Variants in CTNNA3 observed in about 807,000 individuals in gnomAD.
The protein encoded by CTNNA3 is catenin alpha 3.
Under a neutral mutation model 95.7 loss-of-function variants are expected in CTNNA3, and 76 were observed. The ratio of observed to expected loss-of-function variants is 0.79; its 90% CI spans 0.66 to 0.96. The LOEUF is 0.96. Ranked by LOEUF, CTNNA3 falls within the 40% of genes least tolerant of loss-of-function variation. The probability of loss-of-function intolerance (pLI) is 0.00; values close to 1 mark genes in which losing one functional copy is unlikely to be tolerated. For missense variants in CTNNA3, 1,191 were observed against 1,089.8 expected (o/e 1.09, Z -1.31); for synonymous variants, 431 against 374.4 (o/e 1.15, Z -1.74).
intron 5 of CTNNA3, among the ~76,000 whole-genome samples, chr10:67,506,793 A>C (rs1178413528): frequency 3.3e-5 from 5 of 152,282 alleles, no homozygotes; most frequent in Admixed American, 3.3e-4. Context: ...ATTTAATATG[A>C]GTGTATTTGA....
chr10:67,683,958 A>C (rs1021066125), intron 1 of CTNNA3, among the ~76,000 whole-genome samples: 1 of 152,230 alleles, frequency 6.6e-6, no homozygotes, highest in African/African-American at 2.4e-5. Context: ...ATTACAGCTC[A>C]TAAAGGTAAT....
chr10:66,531,049 C>T (rs562739178), intron 10 of CTNNA3, among the ~76,000 whole-genome samples: 1 of 152,030 alleles, frequency 6.6e-6, no homozygotes, highest in South Asian at 2.1e-4. Context: ...CTGTAAAAGG[C>T]AATAATTCCA....
chr10:66,507,497 C>T lies in CTNNA3; in HGVS notation c.1531+13120G>A, dbSNP rs1039153683. On this transcript the variant is annotated intron_variant, in intron 11 of 17. Coordinates refer to ENST00000433211, the MANE Select transcript of CTNNA3 (RefSeq NM_013266.4). ...ATGCATTGACCAACCTCCCTCTATC[C>T]TCCTTCTCCCTTACTGTTCCCAGCC... Among the ~76,000 whole-genome samples, 4 of 152,202 alleles carry T rather than the reference C, an allele frequency of 2.6e-5. No homozygotes were observed. The East Asian group carries it at 5.8e-4, about 22-fold the overall frequency.
intron 5 of CTNNA3, among the ~76,000 whole-genome samples, chr10:67,446,848 G>A (rs557370001): frequency 2.6e-5 from 4 of 152,174 alleles, no homozygotes; most frequent in Non-Finnish European, 4.4e-5. Context: ...GCTCACGGCT[G>A]TAATCCCAGC....
At chr10:66,832,336 C>A (rs1328144062) in intron 7 of CTNNA3, among the ~76,000 whole-genome samples, 1 of 152,166 alleles carries the variant, frequency 6.6e-6, no homozygotes, top group Admixed American at 6.5e-5. Flanking sequence ...AAAGCACACA[C>A]AGCTCAATTT....
Position 66,899,968 on chromosome 10 carries a change from C to T in CTNNA3, c.1048-124444G>A, listed in dbSNP as rs1012939219. Among the ~76,000 whole-genome samples the T allele has an allele frequency of 3.0e-4, 46 of 152,172 alleles. 1 individual carries two copies. The highest frequency in any genetic ancestry group is 1.1e-3 in the African/African-American group (46 of 41,442). On this transcript the variant is annotated intron_variant, in intron 7 of 17. Coordinates refer to ENST00000433211, the MANE Select transcript of CTNNA3 (RefSeq NM_013266.4). Reference sequence around the variant, plus strand: ...GCAGACAACTTCAGACTTAAAGGCCCCTGTGTGACAGCTCTGAAGAGAGCA... The same window carrying T: ...GCAGACAACTTCAGACTTAAAGGCCTCTGTGTGACAGCTCTGAAGAGAGCA...
chr10:67,445,934 G>A (rs1454665923), intron 5 of CTNNA3, among the ~76,000 whole-genome samples: 2 of 152,234 alleles, frequency 1.3e-5, no homozygotes, highest in African/African-American at 4.8e-5. Flanking sequence ...TTGTCCTAGT[G>A]TCTGGTACAT....
At chr10:67,219,555 A>G in intron 6 of CTNNA3, 52 bp downstream of exon 6, 1 of 1,515,624 alleles carries the variant, frequency 6.6e-7, no homozygotes, top group Admixed American at 2.1e-5. Flanking sequence ...TTTTATTATT[A>G]TTATTACTGT....
intron 4 of CTNNA3, among the ~76,000 whole-genome samples, chr10:67,538,258 C>T (rs1840550329): frequency 1.3e-5 from 2 of 150,454 alleles, no homozygotes; most frequent in Non-Finnish European, 1.5e-5. Context: ...GTCACTCTAG[C>T]GTTAAAATAA....
chr10:67,409,356 C>T (rs1845279000), intron 5 of CTNNA3, among the ~76,000 whole-genome samples: 3 of 152,080 alleles, frequency 2.0e-5, no homozygotes, highest in Admixed American at 2.0e-4. Flanking sequence ...CAATGATAGA[C>T]TGGATAAAGA....
intron 11 of CTNNA3, among the ~76,000 whole-genome samples, chr10:66,426,912 ATC>A (rs146271129): frequency 0.033 from 5,060 of 152,024 alleles, 106 homozygotes; most frequent in Non-Finnish European, 0.051. Context: ...TATATTTTAA[ATC>A]TGTTTTTTCT....
At chr10:65,921,139 G>A (rs1266515501) in intron 17 of CTNNA3, among the ~76,000 whole-genome samples, 6 of 152,096 alleles carry the variant, frequency 3.9e-5, no homozygotes, top group African/African-American at 1.4e-4. Flanking sequence ...GGTACAAATT[G>A]GACCAATTCT....
chr10:65,995,797 C>T (rs371187415), intron 15 of CTNNA3, among the ~76,000 whole-genome samples: 2 of 152,072 alleles, frequency 1.3e-5, no homozygotes, highest in Non-Finnish European at 2.9e-5. Context: ...GGTGGGCCTG[C>T]GCTTAAGCAC....
chr10:66,222,626 G>GAAAGAA (rs1564783084), intron 13 of CTNNA3, among the ~76,000 whole-genome samples: 13 of 76,696 alleles, frequency 1.7e-4, no homozygotes, highest in East Asian at 1.0e-3. Flanking sequence ...GAAAGAAAAA[G>GAAAGAA]AAAGAAAGAA....
intron 15 of CTNNA3, among the ~76,000 whole-genome samples, chr10:66,026,843 T>C (rs914700632): frequency 1.3e-5 from 2 of 152,166 alleles, no homozygotes; most frequent in Non-Finnish European, 2.9e-5. Context: ...AGCTCTAATA[T>C]AATCAGATTT....
intron 15 of CTNNA3, among the ~76,000 whole-genome samples, chr10:66,006,160 C>G (rs976182517): frequency 2.0e-5 from 3 of 151,656 alleles, no homozygotes; most frequent in African/African-American, 7.3e-5. Flanking sequence ...CTACAGGCAC[C>G]CACCACCGTG....
At chr10:67,283,786 T>G (rs1391008086) in intron 5 of CTNNA3, among the ~76,000 whole-genome samples, 2 of 152,204 alleles carry the variant, frequency 1.3e-5, no homozygotes, top group African/African-American at 4.8e-5. Flanking sequence ...CTCGGTCAAA[T>G]TCTTTCTTCA....
Position 66,280,461 on chromosome 10 carries a change from C to A in CTNNA3, c.1884+9G>T. 6.2e-7 allele frequency: 1 copy of A among 1,600,088 alleles called. No homozygotes were observed. The highest frequency in any genetic ancestry group is 8.5e-7 in the Non-Finnish European group (1 of 1,174,672). ...TGCAATAATTCAATGGAAGGAAAAGCAAACTTACCCGAATCATCATGACTG... is the reference window on the plus strand; with the variant it reads ...TGCAATAATTCAATGGAAGGAAAAGAAAACTTACCCGAATCATCATGACTG... On this transcript the variant is annotated intron_variant, in intron 13 of 17. Transcript: ENST00000433211.
chr10:66,027,844 C>G (rs1184951386), intron 15 of CTNNA3, among the ~76,000 whole-genome samples: 3 of 152,166 alleles, frequency 2.0e-5, no homozygotes, highest in Non-Finnish European at 2.9e-5. Flanking sequence ...ATTTATCTCT[C>G]AAGCCAAAAG....
Sources: allele counts gnomAD v4.1 joint callset (sites outside exome capture counted in the v4.1 genomes callset), GRCh38; gene constraint gnomAD v4.1.1; transcripts MANE v1.5; gene names NCBI Gene and HGNC (gene_info 2026-07-23, HGNC 2026-07-21).